The following NAV3 variants were observed in gnomAD, a reference collection of about 807,000 sequenced individuals.
NAV3 encodes the protein neuron navigator 3.
Under a neutral mutation model 244.7 loss-of-function variants are expected in NAV3, and 87 were observed. The observed-to-expected ratio is 0.36, with a 90% CI of 0.30 to 0.42. NAV3 has a LOEUF of 0.42. Among genes scored for constraint, NAV3 ranks in the 20% least tolerant of loss-of-function variants. NAV3 has a pLI of 1.00. For missense variants in NAV3, 2,663 were observed against 2,893.3 expected, an observed-to-expected ratio of 0.92 and a Z score of 1.83; for synonymous variants, 1,126 against 1,042.2, an observed-to-expected ratio of 1.08 and a Z score of -1.55.
At chr12:77,821,168 G>T (rs1411219973) in intron 2 of NAV3, among the ~76,000 whole-genome samples, 4 of 151,776 alleles carry the variant, frequency 2.6e-5, no homozygotes, top group Admixed American at 1.3e-4. Context: ...ATCTGAAAAA[G>T]ACAAATTTTT....
intron 1 of NAV3, among the ~76,000 whole-genome samples, chr12:77,872,721 C>G (rs1198636371): frequency 1.3e-5 from 2 of 152,106 alleles, no homozygotes; most frequent in African/African-American, 4.8e-5. Flanking sequence ...AATATCCCTC[C>G]TTTGTGAACT....
chr12:77,769,938 T>A (rs2135872312), intron 2 of NAV3, among the ~76,000 whole-genome samples: 1 of 152,368 alleles, frequency 6.6e-6, no homozygotes, highest in African/African-American at 2.4e-5. Flanking sequence ...AGGATATTTT[T>A]TTTCTTTTTC....
intron 19 of NAV3, among the ~76,000 whole-genome samples, chr12:78,138,224 T>G (rs533963667): frequency 8.5e-5 from 13 of 152,304 alleles, no homozygotes; most frequent in African/African-American, 2.4e-4. Flanking sequence ...ATACCAGAGT[T>G]TAAGTCTTCA....
At chr12:77,725,597 A>C (rs1876840997) in intron 2 of NAV3, among the ~76,000 whole-genome samples, 3 of 151,906 alleles carry the variant, frequency 2.0e-5, no homozygotes, top group Admixed American at 2.0e-4. Flanking sequence ...TGGTAGTTGT[A>C]GAGAGCTTGC....
intron 2 of NAV3, among the ~76,000 whole-genome samples, chr12:77,706,657 T>C (rs902392624): frequency 6.7e-6 from 1 of 150,270 alleles, no homozygotes; most frequent in African/African-American, 2.5e-5. Flanking sequence ...GATCACGAGG[T>C]CAGGAGATCG....
intron 2 of NAV3, among the ~76,000 whole-genome samples, chr12:77,745,516 G>C (rs955589264): frequency 3.3e-5 from 5 of 152,004 alleles, no homozygotes; most frequent in Admixed American, 2.0e-4. Flanking sequence ...AGATATTCAG[G>C]GGGAGAGAAA....
chr12:78,006,731 G>GC lies in NAV3; in HGVS notation c.1199dup (p.Gln401AlafsTer8), dbSNP rs772313322. The GC allele has an allele frequency of 6.2e-7, 1 of 1,613,910 alleles. No individual in the cohort carries two copies. Among genetic ancestry groups the GC allele is most frequent in the Admixed American group, 1.7e-5 (1 of 59,970 alleles). ...CTAGTCAATGCCCGGACTGCTTTAC[G>GC]CCCCCCGCAGCCTCCCAGTTCAGGA... is the stretch of plus-strand genomic sequence containing the variant. On this transcript the variant is annotated frameshift_variant, in exon 8 of 40. Coordinates refer to ENST00000397909, the MANE Select transcript of NAV3 (RefSeq NM_001024383.2). LOFTEE classifies it high-confidence loss of function.
At chr12:77,751,315 G>A (rs1226126464) in intron 2 of NAV3, among the ~76,000 whole-genome samples, 1 of 152,090 alleles carries the variant, frequency 6.6e-6, no homozygotes, top group Non-Finnish European at 1.5e-5. Flanking sequence ...CTCAAATCCA[G>A]TATCTACCCC....
At chr12:78,135,633 G>A (rs1305211324) in intron 18 of NAV3, among the ~76,000 whole-genome samples, 1 of 152,102 alleles carries the variant, frequency 6.6e-6, no homozygotes, top group Admixed American at 6.5e-5. Context: ...AATTCATACT[G>A]TGAACCAAGA....
rs759163669 is a variant in NAV3, at chr12:78,157,757, AG to A, written c.4786-1443del. 2.0e-5 allele frequency among the ~76,000 whole-genome samples: 3 copies of A among 151,712 alleles called. No individual in the cohort carries two copies. In the East Asian group the frequency reaches 5.8e-4, roughly 30 times the overall value. On this transcript the variant is annotated intron_variant, in intron 22 of 39. Transcript: ENST00000397909. Reference sequence around the variant, plus strand: ...ATTTGGTGTATAAATCTCAAGGGTAAGGGTATGTGGAGAGTGGGTGTGTTTG... The same window carrying A: ...ATTTGGTGTATAAATCTCAAGGGTAAGGTATGTGGAGAGTGGGTGTGTTTG...
At chr12:77,974,896 C>T (rs1423546924) in intron 5 of NAV3, among the ~76,000 whole-genome samples, 2 of 152,166 alleles carry the variant, frequency 1.3e-5, no homozygotes, top group African/African-American at 4.8e-5. Context: ...TCCATCTTCC[C>T]TTCTTTCACT....
At chr12:77,815,718 T>G (rs1417106616) in intron 2 of NAV3, among the ~76,000 whole-genome samples, 1 of 152,088 alleles carries the variant, frequency 6.6e-6, no homozygotes, top group Non-Finnish European at 1.5e-5. Context: ...CATCAAATCT[T>G]TTTTTTCCCG....
chr12:77,675,193 C>G (rs1485447435), intron 2 of NAV3, among the ~76,000 whole-genome samples: 1 of 152,184 alleles, frequency 6.6e-6, no homozygotes, highest in Non-Finnish European at 1.5e-5. Context: ...ATTCAGTCTT[C>G]TTTGTGAATA....
chr12:78,175,993 C>T (rs1048819562), intron 25 of NAV3, among the ~76,000 whole-genome samples: 2 of 151,912 alleles, frequency 1.3e-5, no homozygotes, highest in Non-Finnish European at 2.9e-5. Context: ...CCTTTGGAAT[C>T]GACAGGGCTT....
At chr12:77,574,684 T>C (rs1033395075) in intron 2 of NAV3, among the ~76,000 whole-genome samples, 1 of 152,146 alleles carries the variant, frequency 6.6e-6, no homozygotes, top group Non-Finnish European at 1.5e-5. Flanking sequence ...TTGAAATGGA[T>C]TGGATAAGCA....
chr12:77,884,767 A>G (rs1454694834), intron 1 of NAV3, among the ~76,000 whole-genome samples: 1 of 152,140 alleles, frequency 6.6e-6, no homozygotes, highest in Non-Finnish European at 1.5e-5. Context: ...CCAGTTCTCT[A>G]GGTATTCCTT....
intron 2 of NAV3, among the ~76,000 whole-genome samples, chr12:77,711,344 G>A (rs1275182227): frequency 2.0e-5 from 3 of 152,328 alleles, no homozygotes; most frequent in Admixed American, 1.3e-4. Context: ...TTTGCTGTCT[G>A]TGCATCTCTA....
At chr12:77,664,973 T>G (rs1054140579) in intron 2 of NAV3, among the ~76,000 whole-genome samples, 1 of 152,180 alleles carries the variant, frequency 6.6e-6, no homozygotes. Context: ...TTGCAGTGGC[T>G]ATTCCTGCCT....
rs182221017 is a variant in NAV3 at position 78,184,337 on chromosome 12, G to A, written c.5693-1264G>A. ...AGAAGTCTAGATGTGAATAGCCAAT[G>A]GTAAACCACTCTAAACTTCTTAAAA... On this transcript the variant is annotated intron_variant, in intron 30 of 39. Transcript: ENST00000397909. Among the ~76,000 whole-genome samples, 45 of 151,804 alleles carry A rather than the reference G, an allele frequency of 3.0e-4. No homozygotes were observed. In the East Asian group the frequency reaches 8.4e-3, roughly 28 times the overall value.
Sources: allele counts gnomAD v4.1 joint callset (sites outside exome capture counted in the v4.1 genomes callset), GRCh38; gene constraint gnomAD v4.1.1; transcripts MANE v1.5; gene names NCBI Gene and HGNC (gene_info 2026-07-23, HGNC 2026-07-21).